Variants in WDR35 observed in about 807,000 individuals in gnomAD.
The protein encoded by WDR35 is WD repeat domain 35.
WDR35 carries 118 observed loss-of-function variants against 158.3 expected under a neutral mutation model. The ratio of observed to expected loss-of-function variants is 0.75; its 90% CI spans 0.64 to 0.87. The LOEUF is 0.87. WDR35 is among the 40% of genes least tolerant of loss of function. WDR35 has a pLI of 0.00. For missense variants in WDR35, 1,263 were observed against 1,405.8 expected, an observed-to-expected ratio of 0.90 and a Z score of 1.62; for synonymous variants, 448 against 476.1, an observed-to-expected ratio of 0.94 and a Z score of 0.77.
intron 2 of WDR35, among the ~76,000 whole-genome samples, chr2:19,985,600 AG>A (rs1672537135): frequency 7.2e-6 from 1 of 139,788 alleles, no homozygotes; most frequent in South Asian, 2.3e-4. Context: ...AAAAAAAAAA[AG>A]GGCCGGGCGC....
At chr2:19,951,602 G>A in intron 12 of WDR35, 118 bp from the exon 13 acceptor site, 1 of 803,856 alleles carries the variant, frequency 1.2e-6, no homozygotes, top group Admixed American at 2.7e-5. Flanking sequence ...TAAAAATTCT[G>A]ATTATTTTAG....
chr2:19,928,425 C>A (rs1241852267), intron 25 of WDR35, among the ~76,000 whole-genome samples: 1 of 152,216 alleles, frequency 6.6e-6, no homozygotes, highest in Non-Finnish European at 1.5e-5. Context: ...TGATTTCCCA[C>A]TTCACACCTC....
chr2:19,974,700 A>G (rs1672150702), intron 6 of WDR35, 67 bp from the exon 7 acceptor site: 3 of 1,437,742 alleles, frequency 2.1e-6, no homozygotes, highest in Non-Finnish European at 2.9e-6. Flanking sequence ...ACAATACTCA[A>G]TAGAGTATTG....
intron 10 of WDR35, among the ~76,000 whole-genome samples, chr2:19,964,791 A>G (rs1671795175): frequency 6.6e-6 from 1 of 151,978 alleles, no homozygotes; most frequent in South Asian, 2.1e-4. Context: ...TTACCTTCTA[A>G]TCCTCCAGCC....
chr2:19,947,745 C>G (rs983308935), intron 14 of WDR35, among the ~76,000 whole-genome samples: 7 of 152,066 alleles, frequency 4.6e-5, no homozygotes, highest in East Asian at 1.9e-4. Flanking sequence ...TCTGCCCCAC[C>G]ACCATGCAAT....
rs749883542 is a variant in WDR35, at chr2:19,936,337, A to G, written c.2296T>C (p.Leu766=). The part of the protein sequence containing the change: ...RDLAIGLRLK[L]GDWFRVLQLL... ...TGGAGTACTCTAAACCAATCCCCCA[A>G]TTTCAGCCGGAGGCCAATAGCAAGA... The change falls in exon 20 of 27, where the codon TTG becomes CTG. Residue 766 remains leucine (L), a synonymous_variant. Coordinates refer to ENST00000281405, the MANE Select transcript of WDR35 (RefSeq NM_020779.4). 8.1e-6 allele frequency: 13 copies of G among 1,613,782 alleles called. No homozygotes were observed. The highest frequency in any genetic ancestry group is 1.7e-5 in the Admixed American group (1 of 59,942).
At chr2:19,918,705 A>C in intron 25 of WDR35, among the ~76,000 whole-genome samples, 1 of 152,234 alleles carries the variant, frequency 6.6e-6, no homozygotes, top group South Asian at 2.1e-4. Context: ...AACCATCGTA[A>C]ATATATATGG....
At chr2:19,944,075 T>C (rs1279007562) in intron 16 of WDR35, among the ~76,000 whole-genome samples, 3 of 151,974 alleles carry the variant, frequency 2.0e-5, no homozygotes, top group Non-Finnish European at 4.4e-5. Context: ...TTTGAAGAGA[T>C]CATGTTCTTA....
At chr2:19,956,030 G>A (rs1437587656) in intron 11 of WDR35, among the ~76,000 whole-genome samples, 1 of 152,162 alleles carries the variant, frequency 6.6e-6, no homozygotes, top group Non-Finnish European at 1.5e-5. Flanking sequence ...CTGAAAGCCA[G>A]GCATGGAGAC....
At position 19,924,332 on chromosome 2, in the gene WDR35, A is replaced by C. The variant is rs550774782; in HGVS notation, c.3121+6064T>G. ...GTAATCCCAGCACTTTGGGAGGCTGAGGGGGGTGGATCACAAGGTCAGGAG... is the reference window on the plus strand; with the variant it reads ...GTAATCCCAGCACTTTGGGAGGCTGCGGGGGGTGGATCACAAGGTCAGGAG... On this transcript the variant is annotated intron_variant, in intron 25 of 26. Transcript: ENST00000281405. Among the ~76,000 whole-genome samples the C allele has an allele frequency of 9.2e-5, 14 of 152,156 alleles. No homozygotes were observed. In the East Asian group the frequency reaches 2.3e-3, roughly 25 times the overall value.
chr2:19,930,954 T>C (rs1387598594), intron 24 of WDR35, among the ~76,000 whole-genome samples: 1 of 152,208 alleles, frequency 6.6e-6, no homozygotes, highest in Non-Finnish European at 1.5e-5. Flanking sequence ...TACAACAATA[T>C]ATCTAGGAAA....
At chr2:19,985,606 G>A (rs1244025726) in intron 2 of WDR35, among the ~76,000 whole-genome samples, 6 of 150,902 alleles carry the variant, frequency 4.0e-5, no homozygotes, top group African/African-American at 7.3e-5. Context: ...AAAAAGGGCC[G>A]GGCGCAGTGG....
chr2:19,963,892 C>T (rs554758244), intron 10 of WDR35, among the ~76,000 whole-genome samples: 106 of 152,090 alleles, frequency 7.0e-4, no homozygotes, highest in African/African-American at 2.1e-3. Flanking sequence ...TACAGGCACC[C>T]GCCACCACAC....
In WDR35 at chr2:19,921,837, T is replaced by C. The variant is rs572281771; in HGVS notation, c.3122-7560A>G. Among the ~76,000 whole-genome samples the C allele has an allele frequency of 3.0e-4, 46 of 152,316 alleles. 1 individual carries two copies. In the South Asian group the frequency reaches 6.8e-3, roughly 23 times the overall value. ...ACCTACCCATCTGACAAAGGGCTAATATCCAGAATCTACAAAGAACTTAAA... is the reference window on the plus strand; with the variant it reads ...ACCTACCCATCTGACAAAGGGCTAACATCCAGAATCTACAAAGAACTTAAA... On this transcript the variant is annotated intron_variant, in intron 25 of 26. Transcript: ENST00000281405.
intron 11 of WDR35, among the ~76,000 whole-genome samples, chr2:19,957,368 C>T (rs1212703157): frequency 6.6e-6 from 1 of 152,090 alleles, no homozygotes; most frequent in East Asian, 1.9e-4. Context: ...CCTATCTATA[C>T]ATATTTTGCT....
chr2:19,917,537 G>T (rs1370166297), intron 25 of WDR35, among the ~76,000 whole-genome samples: 1 of 152,220 alleles, frequency 6.6e-6, no homozygotes, highest in South Asian at 2.1e-4. Flanking sequence ...AACCAGTTTA[G>T]AGAAGAACAT....
At chr2:19,925,928 C>A (rs1383383839) in intron 25 of WDR35, among the ~76,000 whole-genome samples, 2 of 152,270 alleles carry the variant, frequency 1.3e-5, no homozygotes, top group East Asian at 3.9e-4. Flanking sequence ...AGAACCTATA[C>A]CTTTAAAATG....
intron 4 of WDR35, among the ~76,000 whole-genome samples, chr2:19,979,772 T>TAC (rs67421990): frequency 0.016 from 2,276 of 146,276 alleles, 43 homozygotes; most frequent in African/African-American, 0.047. Context: ...TTCTATCCCC[T>TAC]ACACACACAC....
At chr2:19,983,254 G>T (rs1178835933) in intron 2 of WDR35, among the ~76,000 whole-genome samples, 2 of 152,142 alleles carry the variant, frequency 1.3e-5, no homozygotes, top group Non-Finnish European at 2.9e-5. Flanking sequence ...AAGAAGGGGA[G>T]TATTCCAGGC....
Sources: gnomAD v4.1 joint callset for allele counts (sites outside exome capture counted in the v4.1 genomes callset) on GRCh38, gnomAD v4.1.1 for gene constraint, MANE v1.5 for transcripts, NCBI Gene and HGNC (gene_info 2026-07-23, HGNC 2026-07-21) for gene names.